Variants in SMIM3 observed in about 807,000 individuals in gnomAD.
The protein encoded by SMIM3 is small integral membrane protein 3.
SMIM3 carries 4 observed loss-of-function variants against 2.1 expected under a neutral mutation model. That is an observed-to-expected ratio of 1.89 (90% confidence interval 0.93 to 4.31). The LOEUF is 4.31. Among genes scored for constraint, SMIM3 ranks in the 30% most tolerant of loss-of-function variants. SMIM3 has a pLI of 0.01. For missense variants in SMIM3, 79 were observed against 77.7 expected, an observed-to-expected ratio of 1.02 and a Z score of -0.06; for synonymous variants, 29 against 30.8, an observed-to-expected ratio of 0.94 and a Z score of 0.19.
At chr5:150,790,847 C>G (rs1753342608) in intron 1 of SMIM3, among the ~76,000 whole-genome samples, 1 of 152,084 alleles carries the variant, frequency 6.6e-6, no homozygotes, top group Non-Finnish European at 1.5e-5. Flanking sequence ...AGGTCACTTA[C>G]CATGGTATGT....
chr5:150,795,655 G>C lies in SMIM3; in HGVS notation c.*32G>C. The C allele has an allele frequency of 2.0e-6, 3 of 1,532,948 alleles. 1 individual carries two copies. The highest frequency in any genetic ancestry group is 2.6e-6 in the Non-Finnish European group (3 of 1,143,318). The allele number at this position is 1,532,948 out of a possible 1,614,324, so 95.0% of individuals were successfully genotyped here. On this transcript the variant is annotated 3_prime_UTR_variant, in exon 2 of 2. Transcript: ENST00000526627. ...CCCAAGAGGGCCGGGTGAGGGATGA[G>C]GACAGGCATCCTATCCCCAGCCTCT...
chr5:150,782,304 T>G (rs1354175662), intron 1 of SMIM3, among the ~76,000 whole-genome samples: 4 of 152,112 alleles, frequency 2.6e-5, no homozygotes, highest in Non-Finnish European at 5.9e-5. Context: ...GGAGGAGAAA[T>G]ACTTCCAAGA....
chr5:150,787,379 A>G (rs759841472), intron 1 of SMIM3, among the ~76,000 whole-genome samples: 7 of 152,332 alleles, frequency 4.6e-5, no homozygotes, highest in Non-Finnish European at 1.0e-4. Flanking sequence ...CACCATTACC[A>G]GAATCGGAAG....
At chr5:150,786,732 T>C (rs1445549064) in intron 1 of SMIM3, among the ~76,000 whole-genome samples, 2 of 152,232 alleles carry the variant, frequency 1.3e-5, no homozygotes, top group Admixed American at 6.5e-5. Context: ...GACTCCAATA[T>C]CTGGAGCCCC....
At chr5:150,781,141 G>C (rs545851539) in intron 1 of SMIM3, among the ~76,000 whole-genome samples, 1 of 152,326 alleles carries the variant, frequency 6.6e-6, no homozygotes, top group South Asian at 2.1e-4. Flanking sequence ...CACACAGAAA[G>C]TAAGTGGCAG....
At position 150,779,885 on chromosome 5, in the gene SMIM3, G is replaced by A. The variant is rs568583346; in HGVS notation, c.-12+913G>A. Among the ~76,000 whole-genome samples the A allele has an allele frequency of 3.1e-5, 4 of 128,232 alleles. No individual in the cohort carries two copies. The South Asian group carries it at 9.8e-4, about 31-fold the overall frequency. 84.1% of individuals were successfully genotyped at this position (128,232 alleles called of 152,430 possible). On this transcript the variant is annotated intron_variant, in intron 1 of 1. Transcript: ENST00000526627. ...AACCTCAGGGGCTGTTATTCTGATT[G>A]AGGGCCAGGCTGGGCTCTTACTTAT...
chr5:150,781,076 C>G (rs771893800), intron 1 of SMIM3, among the ~76,000 whole-genome samples: 3 of 152,206 alleles, frequency 2.0e-5, no homozygotes, highest in Non-Finnish European at 4.4e-5. Context: ...ACTGTCATCA[C>G]CTCCATTTTA....
At chr5:150,790,456 T>G (rs1200396602) in intron 1 of SMIM3, among the ~76,000 whole-genome samples, 1 of 152,216 alleles carries the variant, frequency 6.6e-6, no homozygotes, top group Non-Finnish European at 1.5e-5. Context: ...TGACTCATGC[T>G]TCTGTGTCTT....
chr5:150,791,244 T>C (rs1753346218), intron 1 of SMIM3, among the ~76,000 whole-genome samples: 1 of 152,164 alleles, frequency 6.6e-6, no homozygotes, highest in African/African-American at 2.4e-5. Context: ...TACACAAGTG[T>C]TCTGCACTTT....
chr5:150,786,788 T>C (rs1200081866), intron 1 of SMIM3, among the ~76,000 whole-genome samples: 1 of 152,190 alleles, frequency 6.6e-6, no homozygotes, highest in African/African-American at 2.4e-5. Context: ...TTATTTTGTT[T>C]TTATCATCCT....
intron 1 of SMIM3, among the ~76,000 whole-genome samples, chr5:150,787,031 C>A (rs1421548158): frequency 6.6e-6 from 1 of 152,104 alleles, no homozygotes; most frequent in Non-Finnish European, 1.5e-5. Flanking sequence ...ACTAAGGGTG[C>A]TTTTTAAGGT....
intron 1 of SMIM3, among the ~76,000 whole-genome samples, chr5:150,779,829 A>ACCCCCCCCCC (rs5872180): frequency 3.6e-5 from 4 of 111,024 alleles, no homozygotes; most frequent in South Asian, 3.2e-4. Context: ...GAAAGGTGTA[A>ACCCCCCCCCC]CCCCCCCCGC....
chr5:150,792,999 A>T (rs1753363832), intron 1 of SMIM3, among the ~76,000 whole-genome samples: 1 of 152,008 alleles, frequency 6.6e-6, no homozygotes, highest in African/African-American at 2.4e-5. Flanking sequence ...ACTAGTTAAG[A>T]ATGAAATAAA....
At chr5:150,779,478 G>A (rs1328085767) in intron 1 of SMIM3, among the ~76,000 whole-genome samples, 1 of 152,192 alleles carries the variant, frequency 6.6e-6, no homozygotes, top group Non-Finnish European at 1.5e-5. Flanking sequence ...GGAGTGGCGG[G>A]TTCCAGCCCT....
intron 1 of SMIM3, among the ~76,000 whole-genome samples, chr5:150,785,636 G>T (rs967441654): frequency 7.2e-6 from 1 of 139,618 alleles, no homozygotes; most frequent in South Asian, 2.3e-4. Flanking sequence ...AGGCTGGAGC[G>T]CAGTGGTGCC....
At chr5:150,782,045 T>C (rs1753241256) in intron 1 of SMIM3, among the ~76,000 whole-genome samples, 1 of 152,164 alleles carries the variant, frequency 6.6e-6, no homozygotes, top group African/African-American at 2.4e-5. Context: ...GAGGAGCAGA[T>C]GGAAACTCAG....
chr5:150,780,917 T>C (rs1753226510), intron 1 of SMIM3, among the ~76,000 whole-genome samples: 1 of 152,102 alleles, frequency 6.6e-6, no homozygotes, highest in Admixed American at 6.6e-5. Context: ...TGCCTTGTCC[T>C]CCCCCACCCT....
intron 1 of SMIM3, 70 bp downstream of exon 1, chr5:150,779,042 CCTCTA>C: frequency 2.1e-6 from 1 of 466,494 alleles, no homozygotes. Flanking sequence ...TCGCGACCTA[CCTCTA>C]GTGCGGCCCC....
chr5:150,779,846 C>CCT (rs1753213840), intron 1 of SMIM3, among the ~76,000 whole-genome samples: 1 of 146,242 alleles, frequency 6.8e-6, no homozygotes, highest in African/African-American at 2.5e-5. Context: ...CCGCCCCCCC[C>CCT]ACAAATTGAA....
Sources: gnomAD v4.1 joint callset for allele counts (sites outside exome capture counted in the v4.1 genomes callset) on GRCh38, gnomAD v4.1.1 for gene constraint, MANE v1.5 for transcripts, NCBI Gene and HGNC (gene_info 2026-07-23, HGNC 2026-07-21) for gene names.